Variants in GNAI3 observed in about 807,000 individuals in gnomAD.
GNAI3 encodes the protein guanine nucleotide-binding protein G(i) subunit alpha-3.
A neutral mutation model predicts 41.8 loss-of-function variants in GNAI3; 12 were observed. That is an observed-to-expected ratio of 0.29 (90% CI 0.18 to 0.47). GNAI3 has a LOEUF of 0.47. GNAI3 is among the 20% of genes least tolerant of loss of function. The probability of loss-of-function intolerance (pLI) is 1.00; values close to 1 mark genes in which losing one functional copy is unlikely to be tolerated. For synonymous variants in GNAI3, 132 were observed against 146.5 expected, an observed-to-expected ratio of 0.90 and a Z score of 0.71; for missense variants, 360 against 429.6, an observed-to-expected ratio of 0.84 and a Z score of 1.43.
chr1:109,573,720 GTTTTC>G lies in GNAI3; in HGVS notation c.119-9_119-5del. 1 of 1,591,572 alleles carries G rather than the reference GTTTTC, an allele frequency of 6.3e-7. No homozygotes were observed. The highest frequency in any genetic ancestry group is 2.2e-5 in the East Asian group (1 of 44,738). ...TGATTACCGAGAAATTCAAAGTCTG[GTTTTC>G]TTTTCTTACAGGTGCTGGAGAATCT... On this transcript the variant is annotated splice_polypyrimidine_tract_variant and intron_variant, in intron 1 of 8. Transcript: ENST00000369851.
intron 1 of GNAI3, among the ~76,000 whole-genome samples, chr1:109,564,511 C>T (rs1648400008): frequency 6.6e-6 from 1 of 152,146 alleles, no homozygotes; most frequent in Admixed American, 6.5e-5. Flanking sequence ...ACCAACCTTC[C>T]TCTGAATCTT....
At chr1:109,548,947 A>G in intron 1 of GNAI3, 109 bp downstream of exon 1, 11 of 379,080 alleles carry the variant, frequency 2.9e-5, no homozygotes, top group South Asian at 1.1e-4. Context: ...AGGGATCTGG[A>G]GGGCGTGCCG....
At position 109,599,274 on chromosome 1, in the gene GNAI3, G is replaced by A. The variant is rs762462274; in HGVS notation, c.*6952G>A. ...TATATAACAAAATTTGCCATCTTAAGTGTACAGTTCAGTGGCATTAAGTAC... is the reference window on the plus strand; with the variant it reads ...TATATAACAAAATTTGCCATCTTAAATGTACAGTTCAGTGGCATTAAGTAC... On this transcript the variant is annotated 3_prime_UTR_variant, in exon 9 of 9. Transcript: ENST00000369851. 2 of 194,942 alleles carry A rather than the reference G, an allele frequency of 1.0e-5. No homozygotes were observed. Among genetic ancestry groups the A allele is most frequent in the Admixed American group, 1.1e-4 (2 of 18,270 alleles). 12.1% of individuals were successfully genotyped at this position (194,942 alleles called of 1,614,324 possible).
At chr1:109,579,053 A>T (rs1648824871) in intron 3 of GNAI3, 151 bp from the exon 4 acceptor site, 1 of 610,586 alleles carries the variant, frequency 1.6e-6, no homozygotes, top group South Asian at 2.5e-5. Flanking sequence ...AGACTTAATT[A>T]TAAATTCTGT....
intron 7 of GNAI3, among the ~76,000 whole-genome samples, chr1:109,588,785 C>T (rs772281369): frequency 2.6e-5 from 4 of 151,958 alleles, no homozygotes; most frequent in Non-Finnish European, 4.4e-5. Context: ...CCCAGCTACT[C>T]GGGAGGCTGA....
Position 109,598,968 on chromosome 1 carries a change from G to A in GNAI3, c.*6646G>A, listed in dbSNP as rs377322551. The A allele has an allele frequency of 2.9e-4, 153 of 534,702 alleles. No individual in the cohort carries two copies. The highest frequency in any genetic ancestry group is 5.0e-4 in the Non-Finnish European group (130 of 260,026). 33.1% of individuals were successfully genotyped at this position (534,702 alleles called of 1,614,324 possible). ...ACCACCTTCTCCACCCAGCATGGCC[G>A]GCACACTTTGGTCTACGGCACATCT... On this transcript the variant is annotated 3_prime_UTR_variant, in exon 9 of 9. Transcript: ENST00000369851.
At chr1:109,549,540 A>G (rs1227511690) in intron 1 of GNAI3, among the ~76,000 whole-genome samples, 4 of 152,230 alleles carry the variant, frequency 2.6e-5, no homozygotes, top group African/African-American at 9.6e-5. Context: ...TTTTTACAAA[A>G]GGATGGGAAA....
At chr1:109,549,595 G>A (rs1264623459) in intron 1 of GNAI3, among the ~76,000 whole-genome samples, 1 of 152,180 alleles carries the variant, frequency 6.6e-6, no homozygotes, top group Admixed American at 6.5e-5. Flanking sequence ...TTTGAGGTTT[G>A]TAGCAGAAGA....
chr1:109,560,110 A>G (rs1318094321), intron 1 of GNAI3, among the ~76,000 whole-genome samples: 1 of 152,188 alleles, frequency 6.6e-6, no homozygotes, highest in East Asian at 1.9e-4. Context: ...ACTTCCTTTG[A>G]TTTCCAAGTT....
intron 7 of GNAI3, 35 bp from the exon 8 acceptor site, chr1:109,592,008 C>T (rs775262864): frequency 6.9e-7 from 1 of 1,446,146 alleles, no homozygotes; most frequent in East Asian, 2.3e-5. Flanking sequence ...GCAGCTGTTA[C>T]AATTTGAACT....
At chr1:109,582,878 G>A (rs1648930589) in intron 5 of GNAI3, among the ~76,000 whole-genome samples, 1 of 152,054 alleles carries the variant, frequency 6.6e-6, no homozygotes, top group Non-Finnish European at 1.5e-5. Flanking sequence ...TTTTTTGTTA[G>A]ACTCACCAAT....
chr1:109,596,122 G>A lies in GNAI3; in HGVS notation c.*3800G>A, dbSNP rs939340477. 18 of 152,316 alleles carry A rather than the reference G, an allele frequency of 1.2e-4. No individual in the cohort carries two copies. The highest frequency in any genetic ancestry group is 4.1e-4 in the African/African-American group (17 of 41,568). 9.4% of individuals were successfully genotyped at this position (152,316 alleles called of 1,614,324 possible). ...AAGAGAAAAAGGCAGGCTTCCTAGAGACCTCAAGTTGAAAGTTGATTTTGC... is the reference window on the plus strand; with the variant it reads ...AAGAGAAAAAGGCAGGCTTCCTAGAAACCTCAAGTTGAAAGTTGATTTTGC... On this transcript the variant is annotated 3_prime_UTR_variant, in exon 9 of 9. Coordinates refer to ENST00000369851, the MANE Select transcript of GNAI3 (RefSeq NM_006496.4).
At chr1:109,551,260 G>C (rs989552215) in intron 1 of GNAI3, among the ~76,000 whole-genome samples, 15 of 152,158 alleles carry the variant, frequency 9.9e-5, no homozygotes, top group Non-Finnish European at 1.8e-4. Flanking sequence ...GTTCTTGCTT[G>C]AGCCATATCA....
chr1:109,590,425 AT>A (rs1649143214), intron 7 of GNAI3, among the ~76,000 whole-genome samples: 1 of 152,136 alleles, frequency 6.6e-6, no homozygotes, highest in African/African-American at 2.4e-5. Context: ...GCCAGGTATT[AT>A]TATCTGTTCC....
intron 1 of GNAI3, among the ~76,000 whole-genome samples, chr1:109,566,009 C>T (rs1571151753): frequency 6.6e-6 from 1 of 152,262 alleles, no homozygotes; most frequent in East Asian, 1.9e-4. Flanking sequence ...AATTTTTTTA[C>T]AGTAGCCAGA....
chr1:109,583,727 C>T (rs1051867325), intron 5 of GNAI3, among the ~76,000 whole-genome samples: 9 of 151,070 alleles, frequency 6.0e-5, no homozygotes, highest in African/African-American at 9.7e-5. Context: ...AGTACAGGTG[C>T]GTTGCACCAC....
At chr1:109,556,013 A>G (rs925649815) in intron 1 of GNAI3, among the ~76,000 whole-genome samples, 10 of 138,476 alleles carry the variant, frequency 7.2e-5, no homozygotes, top group Non-Finnish European at 1.4e-4. Flanking sequence ...TGTGTGTTTC[A>G]TCAGGTCCTT....
chr1:109,548,880 C>G (rs1274348979), intron 1 of GNAI3, 42 bp downstream of exon 1: 1 of 1,338,594 alleles, frequency 7.5e-7, no homozygotes, highest in Non-Finnish European at 1.1e-6. Flanking sequence ...GTCGGGAGAG[C>G]CTAGGCGCTT....
At position 109,599,995 on chromosome 1, in the gene GNAI3, G is replaced by A. The variant is rs541741792; in HGVS notation, c.*7673G>A. 1 of 152,040 alleles carries A rather than the reference G, an allele frequency of 6.6e-6. No homozygotes were observed. Among genetic ancestry groups the A allele is most frequent in the Non-Finnish European group, 1.5e-5 (1 of 68,004 alleles). The allele number at this position is 152,040 out of a possible 1,614,324, so 9.4% of individuals were successfully genotyped here. On this transcript the variant is annotated 3_prime_UTR_variant, in exon 9 of 9. Coordinates refer to ENST00000369851, the MANE Select transcript of GNAI3 (RefSeq NM_006496.4). ...CTTGATGAAGATACTCTTCCTTCCT[G>A]GGCTTCAGTTTTTGATCTATAAATT...
Sources: gnomAD v4.1 joint callset for allele counts (sites outside exome capture counted in the v4.1 genomes callset) on GRCh38, gnomAD v4.1.1 for gene constraint, MANE v1.5 for transcripts, NCBI Gene and HGNC (gene_info 2026-07-23, HGNC 2026-07-21) for gene names.